Variants in ANKRD45 observed in about 807,000 individuals in gnomAD.
ANKRD45 encodes the protein ankyrin repeat domain 45.
In ANKRD45, 21 loss-of-function variants were observed where a neutral mutation model predicts 28.1. The observed-to-expected ratio is 0.75, with a 90% CI of 0.53 to 1.08. The LOEUF is 1.08. ANKRD45 is among the 50% of genes least tolerant of loss of function. The probability of loss-of-function intolerance (pLI) is 0.00; values close to 1 mark genes in which losing one functional copy is unlikely to be tolerated. For synonymous variants in ANKRD45, 86 were observed against 103.9 expected, an observed-to-expected ratio of 0.83 and a Z score of 1.05; for missense variants, 261 against 308.7, an observed-to-expected ratio of 0.85 and a Z score of 1.16.
chr1:173,666,961 C>T (rs1363943370), intron 1 of ANKRD45, among the ~76,000 whole-genome samples: 2 of 152,062 alleles, frequency 1.3e-5, no homozygotes, highest in Admixed American at 6.6e-5. Flanking sequence ...GGCTATGTTG[C>T]CCATGCTGGT....
intron 3 of ANKRD45, among the ~76,000 whole-genome samples, chr1:173,629,551 A>G (rs991066590): frequency 6.6e-6 from 1 of 152,086 alleles, no homozygotes; most frequent in African/African-American, 2.4e-5. Flanking sequence ...AGTAGAATTG[A>G]TCAAGCAGAA....
At chr1:173,676,822 G>A in the ANKRD45 span, among the ~76,000 whole-genome samples, 138 of 132,952 alleles carry the variant, frequency 1.0e-3, 1 homozygote, top group African/African-American at 4.0e-3. Context: ...GTGACAGGGT[G>A]AGACTCCATC....
the ANKRD45 span, among the ~76,000 whole-genome samples, chr1:173,702,994 G>T: frequency 3.4e-4 from 51 of 152,038 alleles, no homozygotes; most frequent in African/African-American, 1.2e-3. Flanking sequence ...CCAAAGCACT[G>T]GGATTACAAG....
chr1:173,707,339 CT>C, the ANKRD45 span, among the ~76,000 whole-genome samples: 447 of 142,268 alleles, frequency 3.1e-3, no homozygotes, highest in Non-Finnish European at 3.2e-3. Flanking sequence ...AGTGTTTCTC[CT>C]TTTTTTTTTT....
chr1:173,644,628 A>T (rs1380286023), intron 3 of ANKRD45, among the ~76,000 whole-genome samples: 1 of 152,192 alleles, frequency 6.6e-6, no homozygotes, highest in Non-Finnish European at 1.5e-5. Context: ...TTTTCAGAAA[A>T]GTTACAGCAA....
At chr1:173,680,231 C>T in the ANKRD45 span, among the ~76,000 whole-genome samples, 1 of 152,192 alleles carries the variant, frequency 6.6e-6, no homozygotes, top group African/African-American at 2.4e-5. Flanking sequence ...TATAAAGACA[C>T]ATGCACACGT....
chr1:173,714,914 G>A, the ANKRD45 span: 8 of 152,264 alleles, frequency 5.3e-5, no homozygotes, highest in African/African-American at 1.7e-4. Flanking sequence ...AACGATTTAA[G>A]AATAGGACTA....
At chr1:173,712,304 A>G in the ANKRD45 span, among the ~76,000 whole-genome samples, 2 of 152,328 alleles carry the variant, frequency 1.3e-5, no homozygotes, top group African/African-American at 4.8e-5. Flanking sequence ...GAGAGACAAC[A>G]CAGCACTGTA....
the ANKRD45 span, among the ~76,000 whole-genome samples, chr1:173,678,894 C>T: frequency 6.6e-6 from 1 of 152,152 alleles, no homozygotes; most frequent in Non-Finnish European, 1.5e-5. Context: ...AAATCACAAG[C>T]ATTTCTATAC....
upstream of ANKRD45, among the ~76,000 whole-genome samples, chr1:173,674,116 C>A (rs1033335357): frequency 2.0e-5 from 3 of 152,200 alleles, no homozygotes; most frequent in Middle Eastern, 3.4e-3. Flanking sequence ...CTTAGGTGAT[C>A]CTGCCACCTC....
intron 2 of ANKRD45, chr1:173,657,288 A>G: frequency 3.5e-6 from 1 of 289,368 alleles, no homozygotes; most frequent in Non-Finnish European, 7.2e-6. Flanking sequence ...CCAACGTGGC[A>G]AAACCCCCTC....
chr1:173,680,687 T>C, the ANKRD45 span, among the ~76,000 whole-genome samples: 3 of 152,132 alleles, frequency 2.0e-5, no homozygotes, highest in East Asian at 3.9e-4. Flanking sequence ...ACTACAGCAC[T>C]GTTCACAATA....
chr1:173,693,010 C>T, the ANKRD45 span, among the ~76,000 whole-genome samples: 1 of 151,852 alleles, frequency 6.6e-6, no homozygotes, highest in Non-Finnish European at 1.5e-5. Context: ...CTTGGCCGGT[C>T]ATGGTGGCTC....
intron 3 of ANKRD45, chr1:173,635,438 GTTATT>G: frequency 4.9e-6 from 5 of 1,017,184 alleles, no homozygotes; most frequent in Non-Finnish European, 7.0e-6. Context: ...AGGGAATTTA[GTTATT>G]TTATTTTATT....
At chr1:173,625,294 T>A (rs554399025) in intron 4 of ANKRD45, among the ~76,000 whole-genome samples, 1 of 152,110 alleles carries the variant, frequency 6.6e-6, no homozygotes, top group Non-Finnish European at 1.5e-5. Context: ...CCTAATTCTT[T>A]ATTTTTGTTA....
the ANKRD45 span, among the ~76,000 whole-genome samples, chr1:173,688,325 T>A: frequency 6.8e-6 from 1 of 147,678 alleles, no homozygotes; most frequent in Non-Finnish European, 1.5e-5. Flanking sequence ...TCTTTCTCTC[T>A]CTGACTCCCT....
At position 173,634,579 on chromosome 1, in the gene ANKRD45, A is replaced by G. The variant is rs571882559; in HGVS notation, c.497-7420T>C. 9.2e-5 allele frequency among the ~76,000 whole-genome samples: 14 copies of G among 152,030 alleles called. No individual in the cohort carries two copies. The South Asian group carries it at 2.3e-3, about 25-fold the overall frequency. ...TACTCATTCTTCAAAGCCTACTCAC[A>G]TATCTTTTTCTGCAAAATTTCCTAA... On this transcript the variant is annotated intron_variant, in intron 3 of 5. Coordinates refer to ENST00000333279, the MANE Select transcript of ANKRD45 (RefSeq NM_198493.3).
intron 2 of ANKRD45, among the ~76,000 whole-genome samples, chr1:173,654,683 G>A: frequency 6.6e-6 from 1 of 152,300 alleles, no homozygotes; most frequent in South Asian, 2.1e-4. Context: ...ATAATATCCT[G>A]AAGAGTGTTT....
upstream of ANKRD45, among the ~76,000 whole-genome samples, chr1:173,671,965 G>A (rs1171602389): frequency 2.0e-5 from 3 of 151,480 alleles, no homozygotes; most frequent in Non-Finnish European, 4.4e-5. Context: ...CTTTCCAAGT[G>A]TACATTACTT....
Sources: allele counts gnomAD v4.1 joint callset (sites outside exome capture counted in the v4.1 genomes callset), GRCh38; gene constraint gnomAD v4.1.1; transcripts MANE v1.5; gene names NCBI Gene and HGNC (gene_info 2026-07-23, HGNC 2026-07-21).